The following STK32B variants were observed in gnomAD, a reference collection of about 807,000 sequenced individuals.
The protein encoded by STK32B is serine/threonine kinase 32B.
A neutral mutation model predicts 52.6 loss-of-function variants in STK32B; 43 were observed. The observed-to-expected ratio is 0.82, with a 90% CI of 0.64 to 1.05. The LOEUF is 1.05. Ranked by LOEUF, STK32B falls within the 50% of genes least tolerant of loss-of-function variation. STK32B has a pLI of 0.00. For missense variants in STK32B, 621 were observed against 534.6 expected (o/e 1.16, Z -1.59); for synonymous variants, 238 against 204.3 (o/e 1.17, Z -1.41).
intron 3 of STK32B, among the ~76,000 whole-genome samples, chr4:5,280,738 C>G (rs1378378332): frequency 6.6e-6 from 1 of 151,668 alleles, no homozygotes; most frequent in Non-Finnish European, 1.5e-5. Context: ...CTACTAAAAA[C>G]ACACAAAAAA....
intron 3 of STK32B, among the ~76,000 whole-genome samples, chr4:5,279,434 A>G (rs899183104): frequency 2.1e-5 from 3 of 145,778 alleles, no homozygotes; most frequent in Non-Finnish European, 2.9e-5. Flanking sequence ...CGGGCTTCCA[A>G]GGTTTTGAGC....
At chr4:5,025,268 A>C in the STK32B span, among the ~76,000 whole-genome samples, 3 of 151,958 alleles carry the variant, frequency 2.0e-5, no homozygotes, top group Non-Finnish European at 4.4e-5. Context: ...CCACCTCCAC[A>C]TCTATGCTGG....
intron 3 of STK32B, among the ~76,000 whole-genome samples, chr4:5,272,264 A>G (rs1727493554): frequency 6.8e-6 from 1 of 147,066 alleles, no homozygotes; most frequent in Non-Finnish European, 1.5e-5. Flanking sequence ...TGAGATAATC[A>G]TGTGGTTTTT....
At chr4:5,301,341 G>A (rs1020358701) in intron 3 of STK32B, among the ~76,000 whole-genome samples, 1 of 152,060 alleles carries the variant, frequency 6.6e-6, no homozygotes, top group Admixed American at 6.6e-5. Context: ...GCAGAAGATT[G>A]TTATTAGCTC....
rs139226633 is a variant in STK32B at position 5,467,608 on chromosome 4, T to C, written c.1042-398T>C. On this transcript the variant is annotated intron_variant, in intron 10 of 11. Transcript: ENST00000282908. The surrounding 1 kb of genome is among the most constrained non-coding windows in gnomAD (Gnocchi z 5.8). Reference sequence around the variant, plus strand: ...TGGGGGGCTGGGACTCAAGATACCTTTCAGAGGACACAATTCAACACACAA... The same window carrying C: ...TGGGGGGCTGGGACTCAAGATACCTCTCAGAGGACACAATTCAACACACAA... Among the ~76,000 whole-genome samples, 8 of 152,178 alleles carry C rather than the reference T, an allele frequency of 5.3e-5. No homozygotes were observed. Among genetic ancestry groups the C allele is most frequent in the Admixed American group, 2.6e-4 (4 of 15,294 alleles).
rs568455811 is a variant in STK32B, at chr4:5,320,641, A to T, written c.261-10579A>T. ...GTTTGAAAAATCACATTAAGTATGT[A>T]TCGCCACAGGGATGTGCGTCTTAGA... On this transcript the variant is annotated intron_variant, in intron 3 of 11. Coordinates refer to ENST00000282908, the MANE Select transcript of STK32B (RefSeq NM_018401.3). Among the ~76,000 whole-genome samples, 5 of 152,360 alleles carry T rather than the reference A, an allele frequency of 3.3e-5. No individual in the cohort carries two copies. The South Asian group carries it at 1.0e-3, about 32-fold the overall frequency.
intron 2 of STK32B, among the ~76,000 whole-genome samples, chr4:5,155,214 G>C (rs540710783): frequency 2.5e-4 from 38 of 152,276 alleles, no homozygotes; most frequent in African/African-American, 9.1e-4. Flanking sequence ...TTCCCAGAAT[G>C]CCCACCCTCT....
chr4:5,104,121 A>C (rs1319704817), intron 1 of STK32B, among the ~76,000 whole-genome samples: 1 of 152,108 alleles, frequency 6.6e-6, no homozygotes, highest in African/African-American at 2.4e-5. Flanking sequence ...CCCAAATTTC[A>C]TCTTGAATTA....
chr4:5,252,878 G>C (rs576928302), intron 3 of STK32B, among the ~76,000 whole-genome samples: 239 of 152,098 alleles, frequency 1.6e-3, no homozygotes, highest in African/African-American at 5.6e-3. Flanking sequence ...ATTGAGTAAG[G>C]GCTGAGTATG....
At chr4:5,438,809 G>A (rs560519939) in intron 6 of STK32B, among the ~76,000 whole-genome samples, 44 of 152,172 alleles carry the variant, frequency 2.9e-4, no homozygotes, top group African/African-American at 8.7e-4. Context: ...GTGTCCATGT[G>A]ATCTCATTGT....
intron 11 of STK32B, among the ~76,000 whole-genome samples, chr4:5,487,029 T>C (rs1040293252): frequency 6.6e-6 from 1 of 152,214 alleles, no homozygotes; most frequent in African/African-American, 2.4e-5. Flanking sequence ...AATGACCCAG[T>C]TCATATGATC....
At chr4:5,217,741 T>A (rs1723267295) in intron 3 of STK32B, among the ~76,000 whole-genome samples, 1 of 152,176 alleles carries the variant, frequency 6.6e-6, no homozygotes, top group Admixed American at 6.5e-5. Flanking sequence ...GAAGAACATT[T>A]GTCAGAGTCC....
intron 11 of STK32B, among the ~76,000 whole-genome samples, chr4:5,479,415 G>A (rs946101900): frequency 3.3e-5 from 5 of 152,248 alleles, no homozygotes; most frequent in South Asian, 2.1e-4. Context: ...CACCATGCCC[G>A]GCCTAGTCTA....
At chr4:5,451,962 C>T (rs1368254891) in intron 7 of STK32B, among the ~76,000 whole-genome samples, 1 of 152,144 alleles carries the variant, frequency 6.6e-6, no homozygotes, top group African/African-American at 2.4e-5. Flanking sequence ...CCTGGGAGGA[C>T]CTGCTTGAAA....
At chr4:5,034,521 A>G in the STK32B span, among the ~76,000 whole-genome samples, 1 of 152,180 alleles carries the variant, frequency 6.6e-6, no homozygotes, top group African/African-American at 2.4e-5. Flanking sequence ...TATAAGCACC[A>G]CACTCCTGCC....
chr4:5,021,773 A>C, the STK32B span, among the ~76,000 whole-genome samples: 1 of 152,206 alleles, frequency 6.6e-6, no homozygotes, highest in Non-Finnish European at 1.5e-5. Context: ...AGAGGCTTAT[A>C]GGCCTTCCCA....
At chr4:5,048,296 A>ATTTTTT (rs934389483), upstream of STK32B, among the ~76,000 whole-genome samples, 4 of 111,864 alleles carry the variant, frequency 3.6e-5, no homozygotes, top group Non-Finnish European at 5.5e-5. Context: ...TGCCTGGCTA[A>ATTTTTT]TTTTTTTTTT....
intron 1 of STK32B, among the ~76,000 whole-genome samples, chr4:5,127,304 T>G (rs1715463415): frequency 6.6e-6 from 1 of 152,190 alleles, no homozygotes; most frequent in African/African-American, 2.4e-5. Context: ...GGACAAAATC[T>G]TTCCTGGTGA....
intron 2 of STK32B, among the ~76,000 whole-genome samples, chr4:5,143,080 T>C (rs1255171236): frequency 1.3e-5 from 2 of 151,762 alleles, no homozygotes; most frequent in Non-Finnish European, 2.9e-5. Context: ...TTCTTTAAAA[T>C]AAATCTGTTT....
Sources: allele counts gnomAD v4.1 joint callset (sites outside exome capture counted in the v4.1 genomes callset), GRCh38; gene constraint gnomAD v4.1.1; non-coding constraint Gnocchi (gnomAD v3.1); transcripts MANE v1.5; gene names NCBI Gene and HGNC (gene_info 2026-07-23, HGNC 2026-07-21).